GRM7: variants seen among roughly 807,000 people sequenced by gnomAD.
GRM7 encodes the protein glutamate metabotropic receptor 7.
GRM7 carries 35 observed loss-of-function variants against 84.5 expected under a neutral mutation model. The observed-to-expected ratio is 0.41, with a 90% CI of 0.32 to 0.55. The LOEUF (loss-of-function observed/expected upper bound fraction) is 0.55, where lower values mean the gene tolerates loss of function less well. GRM7 is among the 20% of genes least tolerant of loss of function. GRM7 has a pLI of 0.19. For synonymous variants in GRM7, 487 were observed against 455.1 expected, an observed-to-expected ratio of 1.07 and a Z score of -0.89; for missense variants, 1,003 against 1,194.6, an observed-to-expected ratio of 0.84 and a Z score of 2.36.
At chr3:6,970,763 A>C (rs1234442176) in intron 1 of GRM7, among the ~76,000 whole-genome samples, 1 of 152,136 alleles carries the variant, frequency 6.6e-6, no homozygotes, top group African/African-American at 2.4e-5. Flanking sequence ...GCGGATCACG[A>C]GGTCAGGAGA....
Position 7,057,164 on chromosome 3 carries a change from T to C in GRM7, c.520-89288T>C, listed in dbSNP as rs185483134. On this transcript the variant is annotated intron_variant, in intron 1 of 9. Transcript: ENST00000357716. ...TAGATTCCTAGAAACTTGTTGAAAT[T>C]AGTAGATTGTAATGGTTTTCAATTA... Among the ~76,000 whole-genome samples the C allele has an allele frequency of 1.1e-3, 160 of 152,042 alleles. 1 individual carries two copies. Among genetic ancestry groups the C allele is most frequent in the African/African-American group, 3.5e-3 (144 of 41,538 alleles).
intron 5 of GRM7, among the ~76,000 whole-genome samples, chr3:7,444,165 G>T (rs1212194626): frequency 6.6e-6 from 1 of 152,162 alleles, no homozygotes; most frequent in South Asian, 2.1e-4. Flanking sequence ...TGTCCTGAAA[G>T]TTCAACCTGA....
At chr3:7,424,531 A>G (rs1399619973) in intron 5 of GRM7, among the ~76,000 whole-genome samples, 2 of 152,174 alleles carry the variant, frequency 1.3e-5, no homozygotes, top group Non-Finnish European at 2.9e-5. Flanking sequence ...TTACAGGTTA[A>G]TACAAAAGAC....
intron 2 of GRM7, among the ~76,000 whole-genome samples, chr3:7,295,827 T>TG (rs139759346): frequency 0.12 from 17,315 of 150,462 alleles, 1,169 homozygotes; most frequent in Non-Finnish European, 0.16. Flanking sequence ...AGCTTTTTTT[T>TG]GGGGGGGGGA....
intron 1 of GRM7, among the ~76,000 whole-genome samples, chr3:7,018,801 A>C (rs563647037): frequency 6.6e-6 from 1 of 152,336 alleles, no homozygotes; most frequent in Non-Finnish European, 1.5e-5. Flanking sequence ...GTTGCTTAAA[A>C]AGTAAGTTTT....
At chr3:7,397,658 A>G (rs1000615782) in intron 4 of GRM7, among the ~76,000 whole-genome samples, 2 of 152,274 alleles carry the variant, frequency 1.3e-5, no homozygotes, top group South Asian at 4.1e-4. Context: ...ATCACATCAC[A>G]TGTACCCCAT....
intron 8 of GRM7, among the ~76,000 whole-genome samples, chr3:7,676,765 T>C (rs1473246983): frequency 6.6e-6 from 1 of 152,100 alleles, no homozygotes; most frequent in African/African-American, 2.4e-5. Context: ...TGTGTTACAA[T>C]TGCCCACAGT....
chr3:7,521,183 T>C (rs1168289880), intron 7 of GRM7, among the ~76,000 whole-genome samples: 2 of 152,214 alleles, frequency 1.3e-5, no homozygotes, highest in African/African-American at 2.4e-5. Flanking sequence ...TGGTGGAACC[T>C]GATGTTGAGC....
At chr3:6,988,676 A>G (rs1318465495) in intron 1 of GRM7, among the ~76,000 whole-genome samples, 4 of 152,230 alleles carry the variant, frequency 2.6e-5, no homozygotes, top group Admixed American at 1.3e-4. Flanking sequence ...CCACAGCAAT[A>G]GAAATTGAAG....
chr3:7,168,944 G>T (rs989902240), intron 2 of GRM7, among the ~76,000 whole-genome samples: 3 of 152,188 alleles, frequency 2.0e-5, no homozygotes, highest in Admixed American at 6.5e-5. Context: ...GACCAGAAAA[G>T]GTATCTGCAT....
At chr3:7,528,359 T>G (rs1296450747) in intron 7 of GRM7, among the ~76,000 whole-genome samples, 1 of 152,032 alleles carries the variant, frequency 6.6e-6, no homozygotes, top group Non-Finnish European at 1.5e-5. Context: ...TCTGTGGAAT[T>G]GGTTGTAATG....
chr3:7,628,861 A>C (rs1246477393), intron 8 of GRM7, among the ~76,000 whole-genome samples: 1 of 152,198 alleles, frequency 6.6e-6, no homozygotes, highest in Admixed American at 6.6e-5. Flanking sequence ...GTAACACTGA[A>C]CAATGACTGC....
At chr3:7,512,342 G>A (rs1313928966) in intron 7 of GRM7, among the ~76,000 whole-genome samples, 1 of 152,168 alleles carries the variant, frequency 6.6e-6, no homozygotes, top group African/African-American at 2.4e-5. Flanking sequence ...TAAGTGAAGT[G>A]TAATAGATAG....
intron 1 of GRM7, among the ~76,000 whole-genome samples, chr3:7,039,302 G>A (rs1296924932): frequency 1.3e-5 from 2 of 152,080 alleles, no homozygotes; most frequent in Non-Finnish European, 2.9e-5. Flanking sequence ...CCATATAGCA[G>A]GCAGATGATA....
intron 9 of GRM7, among the ~76,000 whole-genome samples, chr3:7,727,336 G>T (rs1327768240): frequency 6.6e-6 from 1 of 151,972 alleles, no homozygotes; most frequent in Non-Finnish European, 1.5e-5. Context: ...AATACATACT[G>T]CTTTTCAAAT....
intron 2 of GRM7, among the ~76,000 whole-genome samples, chr3:7,180,829 G>T (rs1302592881): frequency 6.6e-6 from 1 of 152,032 alleles, no homozygotes; most frequent in African/African-American, 2.4e-5. Context: ...TATTCCTTTT[G>T]TTCCTACTTT....
chr3:7,531,937 G>A (rs1701052803), intron 7 of GRM7, among the ~76,000 whole-genome samples: 1 of 152,058 alleles, frequency 6.6e-6, no homozygotes, highest in Admixed American at 6.5e-5. Flanking sequence ...ATTGTCCATG[G>A]GTTTGTCATA....
At chr3:6,878,479 T>G (rs1695395392) in intron 1 of GRM7, among the ~76,000 whole-genome samples, 1 of 151,392 alleles carries the variant, frequency 6.6e-6, no homozygotes, top group South Asian at 2.1e-4. Flanking sequence ...GACATCTAGT[T>G]TAATGAGCAA....
chr3:7,462,595 A>G (rs964871048), intron 7 of GRM7, among the ~76,000 whole-genome samples: 3 of 152,234 alleles, frequency 2.0e-5, no homozygotes, highest in South Asian at 2.1e-4. Context: ...ATTATTGAGA[A>G]CAAGGCTTCT....
Sources: gnomAD v4.1 joint callset for allele counts (sites outside exome capture counted in the v4.1 genomes callset) on GRCh38, gnomAD v4.1.1 for gene constraint, MANE v1.5 for transcripts, NCBI Gene and HGNC (gene_info 2026-07-23, HGNC 2026-07-21) for gene names.